Variants in CLSTN2 observed in about 807,000 individuals in gnomAD.
CLSTN2 encodes the protein calsyntenin 2.
A neutral mutation model predicts 101.2 loss-of-function variants in CLSTN2; 48 were observed. That is an observed-to-expected ratio of 0.47 (90% CI 0.38 to 0.60). CLSTN2 has a LOEUF of 0.60. Ranked by LOEUF, CLSTN2 falls within the 20% of genes least tolerant of loss-of-function variation. CLSTN2 has a pLI of 0.00. For synonymous variants in CLSTN2, 481 were observed against 463.6 expected (o/e 1.04, Z -0.48); for missense variants, 1,160 against 1,238.2 (o/e 0.94, Z 0.95).
chr3:139,941,847 A>G lies in CLSTN2; in HGVS notation c.109+6364A>G, dbSNP rs528834970. ...AACAGTGAATGTTTATTGAGTTCAT[A>G]CTATGTGCCAAGCACTATCTTGAAG... On this transcript the variant is annotated intron_variant, in intron 1 of 16. Transcript: ENST00000458420. Among the ~76,000 whole-genome samples the G allele has an allele frequency of 6.6e-5, 10 of 152,326 alleles. No individual in the cohort carries two copies. In the South Asian group the frequency reaches 2.1e-3, roughly 32 times the overall value.
intron 8 of CLSTN2, 28 bp from the exon 9 acceptor site, chr3:140,532,295 TA>T (rs1220116822): frequency 1.3e-6 from 2 of 1,562,156 alleles, no homozygotes; most frequent in South Asian, 1.2e-5. Flanking sequence ...TATTCAATTT[TA>T]AATGTTGCTT....
At position 140,395,557 on chromosome 3, in the gene CLSTN2, A is replaced by G. The variant is rs555821215; in HGVS notation, c.233-8072A>G. On this transcript the variant is annotated intron_variant, in intron 2 of 16. Transcript: ENST00000458420. The stretch of plus-strand genomic sequence containing the variant: ...TATCCCCAACCCAGATGTGTGAAGA[A>G]ACACCCTACGTAACATCCTGCAAAT... Among the ~76,000 whole-genome samples, 80 of 152,316 alleles carry G rather than the reference A, an allele frequency of 5.3e-4. 2 individuals are homozygous for G. Among genetic ancestry groups the G allele is most frequent in the Admixed American group, 4.8e-3 (73 of 15,298 alleles).
rs896088963 is a variant in CLSTN2, at chr3:140,320,260, C to A, written c.233-83369C>A. On this transcript the variant is annotated intron_variant, in intron 2 of 16. Coordinates refer to ENST00000458420, the MANE Select transcript of CLSTN2 (RefSeq NM_022131.3). The stretch of plus-strand genomic sequence containing the variant: ...GTCACAGACTCTGGGCACTGGGGGG[C>A]CTTGTCAGAGTTCACTTCCATTTTC... Among the ~76,000 whole-genome samples the A allele has an allele frequency of 2.6e-5, 4 of 152,090 alleles. No individual in the cohort carries two copies. The South Asian group carries it at 8.3e-4, about 32-fold the overall frequency.
chr3:139,962,094 G>T (rs1935521219), intron 1 of CLSTN2, among the ~76,000 whole-genome samples: 1 of 151,910 alleles, frequency 6.6e-6, no homozygotes, highest in African/African-American at 2.4e-5. Flanking sequence ...AAATAATTCT[G>T]CAGTAAAAAT....
intron 8 of CLSTN2, among the ~76,000 whole-genome samples, chr3:140,472,539 T>G (rs571484216): frequency 1.7e-4 from 26 of 152,320 alleles, no homozygotes; most frequent in African/African-American, 6.0e-4. Flanking sequence ...GTCAGCACTC[T>G]AATCCTGCTG....
At chr3:140,409,418 C>T (rs1346589708) in intron 4 of CLSTN2, among the ~76,000 whole-genome samples, 1 of 152,264 alleles carries the variant, frequency 6.6e-6, no homozygotes, top group East Asian at 1.9e-4. Flanking sequence ...GTTACAGACC[C>T]CAGCTACCTG....
intron 1 of CLSTN2, among the ~76,000 whole-genome samples, chr3:140,048,841 G>C (rs1022180424): frequency 2.6e-5 from 4 of 152,208 alleles, no homozygotes; most frequent in African/African-American, 9.7e-5. Context: ...ACCACACCCA[G>C]AGGGAAAGAC....
intron 9 of CLSTN2, among the ~76,000 whole-genome samples, chr3:140,535,419 A>G (rs1935338721): frequency 6.6e-6 from 1 of 152,210 alleles, no homozygotes; most frequent in Non-Finnish European, 1.5e-5. Flanking sequence ...ATCTCATTAC[A>G]ATTTATTTAA....
intron 8 of CLSTN2, among the ~76,000 whole-genome samples, chr3:140,520,936 T>C (rs1172280297): frequency 6.6e-6 from 1 of 152,180 alleles, no homozygotes; most frequent in African/African-American, 2.4e-5. Context: ...TTCCACTTGG[T>C]CTATTCTGTT....
intron 2 of CLSTN2, among the ~76,000 whole-genome samples, chr3:140,220,636 A>T (rs555783471): frequency 6.6e-6 from 1 of 152,360 alleles, no homozygotes; most frequent in South Asian, 2.1e-4. Context: ...AATCAGTAGA[A>T]ATATCTTCAA....
At chr3:140,232,131 A>G (rs968577953) in intron 2 of CLSTN2, among the ~76,000 whole-genome samples, 1 of 152,210 alleles carries the variant, frequency 6.6e-6, no homozygotes, top group Non-Finnish European at 1.5e-5. Context: ...AACCTGTGAT[A>G]TAGCTTGTGA....
In CLSTN2 at chr3:140,176,011, A is replaced by G. The variant is rs2010317945; in HGVS notation, c.170A>G (p.Asp57Gly). 1.9e-6 allele frequency: 3 copies of G among 1,613,744 alleles called. No individual in the cohort carries two copies. Among genetic ancestry groups the G allele is most frequent in the Non-Finnish European group, 2.5e-6 (3 of 1,179,812 alleles). The change falls in exon 2 of 17, where the codon GAC becomes GGC. Residue 57 changes from aspartate to glycine, a missense_variant. Physicochemically the swap from Asp to Gly is moderately conservative, Grantham distance 94 (BLOSUM62 -1). Coordinates refer to ENST00000458420, the MANE Select transcript of CLSTN2 (RefSeq NM_022131.3). ...SYHGVITENN[D>G]TVILDPPLVA... ...CATGGAGTCATAACTGAGAACAATG[A>G]CACAGTCATTTTGGACCCACCACTG...
intron 2 of CLSTN2, among the ~76,000 whole-genome samples, chr3:140,389,077 C>G (rs1031459826): frequency 6.6e-6 from 1 of 152,132 alleles, no homozygotes; most frequent in African/African-American, 2.4e-5. Flanking sequence ...ATTAAATTTG[C>G]TAACATGTAT....
intron 5 of CLSTN2, among the ~76,000 whole-genome samples, chr3:140,432,723 T>C (rs2088646346): frequency 1.3e-5 from 2 of 152,236 alleles, no homozygotes; most frequent in African/African-American, 2.4e-5. Context: ...TGCTTTGATC[T>C]GACTCTCCTG....
At chr3:140,566,011 T>G in intron 16 of CLSTN2, 42 bp from the exon 17 acceptor site, 1 of 1,612,530 alleles carries the variant, frequency 6.2e-7, no homozygotes. Context: ...TGGCCTCTGT[T>G]CAGCCCCTGA....
intron 2 of CLSTN2, among the ~76,000 whole-genome samples, chr3:140,269,390 C>T (rs1211207198): frequency 1.3e-5 from 2 of 152,194 alleles, no homozygotes; most frequent in African/African-American, 2.4e-5. Flanking sequence ...TTCATTTCAC[C>T]TTTCTCCTGG....
chr3:140,240,168 C>A (rs1436047781), intron 2 of CLSTN2, among the ~76,000 whole-genome samples: 244 of 17,160 alleles, frequency 0.014, 5 homozygotes, highest in African/African-American at 0.016. Flanking sequence ...CTCTCTCTCT[C>A]TCTCTCTATA....
intron 16 of CLSTN2, 46 bp downstream of exon 16, chr3:140,564,191 C>A: frequency 6.4e-7 from 1 of 1,573,858 alleles, no homozygotes; most frequent in Non-Finnish European, 8.7e-7. Flanking sequence ...GTGCTTCTCC[C>A]TCTACCCAGC....
At chr3:140,366,957 G>A (rs1029749233) in intron 2 of CLSTN2, among the ~76,000 whole-genome samples, 2 of 152,190 alleles carry the variant, frequency 1.3e-5, no homozygotes, top group African/African-American at 2.4e-5. Context: ...CTGCAGGAAG[G>A]CAGGCCAAGC....
Sources: gnomAD v4.1 joint callset for allele counts (sites outside exome capture counted in the v4.1 genomes callset) on GRCh38, gnomAD v4.1.1 for gene constraint, MANE v1.5 for transcripts, NCBI Gene and HGNC (gene_info 2026-07-23, HGNC 2026-07-21) for gene names.